The following PLA2G4A variants were observed in gnomAD, a reference collection of about 807,000 sequenced individuals.
The protein encoded by PLA2G4A is cytosolic phospholipase A2.
Under a neutral mutation model 81.9 loss-of-function variants are expected in PLA2G4A, and 40 were observed. The ratio of observed to expected loss-of-function variants is 0.49; its 90% CI spans 0.38 to 0.64. The LOEUF (loss-of-function observed/expected upper bound fraction) is 0.64. Among genes scored for constraint, PLA2G4A ranks in the 30% least tolerant of loss-of-function variants. PLA2G4A has a pLI of 0.00. For missense variants in PLA2G4A, 715 were observed against 905.1 expected, an observed-to-expected ratio of 0.79 and a Z score of 2.69; for synonymous variants, 302 against 296.9, an observed-to-expected ratio of 1.02 and a Z score of -0.18.
At chr1:186,988,139 C>A (rs962248729) in intron 17 of PLA2G4A, among the ~76,000 whole-genome samples, 1 of 152,282 alleles carries the variant, frequency 6.6e-6, no homozygotes, top group Non-Finnish European at 1.5e-5. Context: ...AAATCTAGAA[C>A]ATTTCCAGAA....
chr1:186,874,300 C>T (rs540151343), intron 3 of PLA2G4A, among the ~76,000 whole-genome samples: 14 of 152,178 alleles, frequency 9.2e-5, no homozygotes, highest in Admixed American at 6.6e-4. Context: ...ACAACTCTGG[C>T]CACAAACTTC....
At chr1:186,886,130 G>A (rs939527102) in intron 3 of PLA2G4A, among the ~76,000 whole-genome samples, 5 of 152,046 alleles carry the variant, frequency 3.3e-5, no homozygotes, top group South Asian at 2.1e-4. Context: ...TGAAGATATT[G>A]AACAAAGTTC....
At chr1:186,896,679 T>C (rs1224864048) in intron 5 of PLA2G4A, among the ~76,000 whole-genome samples, 1 of 152,224 alleles carries the variant, frequency 6.6e-6, no homozygotes, top group African/African-American at 2.4e-5. Flanking sequence ...GTGTAATCCC[T>C]AGGGCTCTAA....
intron 13 of PLA2G4A, 76 bp from the exon 14 acceptor site, chr1:186,956,026 C>G: frequency 7.5e-7 from 1 of 1,338,126 alleles, no homozygotes; most frequent in Admixed American, 1.7e-5. Flanking sequence ...AGGCGTGAGC[C>G]ACCGTGCCCA....
intron 15 of PLA2G4A, among the ~76,000 whole-genome samples, chr1:186,968,671 A>T (rs527990316): frequency 6.6e-6 from 1 of 151,888 alleles, no homozygotes; most frequent in Admixed American, 6.6e-5. Context: ...GATTATTGCT[A>T]TCTTGCCACC....
intron 7 of PLA2G4A, among the ~76,000 whole-genome samples, chr1:186,925,899 C>T (rs1655531105): frequency 6.6e-6 from 1 of 152,212 alleles, no homozygotes; most frequent in African/African-American, 2.4e-5. Context: ...ATATTTCAAC[C>T]ACCTAGCATA....
chr1:186,902,509 A>G (rs187592938), intron 5 of PLA2G4A, among the ~76,000 whole-genome samples: 1 of 152,044 alleles, frequency 6.6e-6, no homozygotes, highest in Non-Finnish European at 1.5e-5. Flanking sequence ...CCACCCCCCA[A>G]AATTTTTGCT....
chr1:186,954,911 A>C (rs1656694067), intron 13 of PLA2G4A, among the ~76,000 whole-genome samples: 2 of 152,224 alleles, frequency 1.3e-5, no homozygotes, highest in African/African-American at 2.4e-5. Flanking sequence ...GTGTTTATTA[A>C]GAATTTAATA....
At chr1:186,938,590 A>G (rs1656036253) in intron 8 of PLA2G4A, among the ~76,000 whole-genome samples, 3 of 152,148 alleles carry the variant, frequency 2.0e-5, no homozygotes, top group Admixed American at 1.3e-4. Context: ...CTACCTGTAG[A>G]TAATCATCCT....
intron 1 of PLA2G4A, among the ~76,000 whole-genome samples, chr1:186,830,214 G>A (rs949759684): frequency 3.9e-5 from 6 of 152,208 alleles, no homozygotes; most frequent in Non-Finnish European, 8.8e-5. Flanking sequence ...ATAGAGAAGT[G>A]TTTAATGTGC....
Position 186,854,386 on chromosome 1 carries a change from T to C in PLA2G4A, c.32T>C (p.Ile11Thr). The change falls in exon 2 of 18, where the codon ATA (isoleucine) becomes ACA (threonine). Residue 11 changes from isoleucine (I) to threonine (T), a missense_variant and splice_region_variant. Coordinates refer to ENST00000367466, the MANE Select transcript of PLA2G4A (RefSeq NM_024420.3). Reference sequence around the variant, plus strand: ...TTTATAGATCCTTACCAGCACATTATAGTAAGTCATTCACTGTTTATGAAT... The same window carrying C: ...TTTATAGATCCTTACCAGCACATTACAGTAAGTCATTCACTGTTTATGAAT... MSFIDPYQHI[I>T]VEHQYSHKFT... is the part of the protein sequence containing the mutation. The C allele has an allele frequency of 6.4e-7, 1 of 1,557,316 alleles. No individual in the cohort carries two copies. The highest frequency in any genetic ancestry group is 8.9e-7 in the Non-Finnish European group (1 of 1,128,750).
chr1:186,906,840 A>AT, intron 5 of PLA2G4A, 125 bp from the exon 6 acceptor site: 1 of 619,712 alleles, frequency 1.6e-6, no homozygotes, highest in Non-Finnish European at 2.9e-6. Flanking sequence ...TGTTACTTTT[A>AT]TTTTTAGGGT....
chr1:186,933,412 A>G (rs1655824197), intron 8 of PLA2G4A, among the ~76,000 whole-genome samples: 1 of 152,194 alleles, frequency 6.6e-6, no homozygotes. Context: ...CATCTAACTA[A>G]ATATGAAATT....
intron 7 of PLA2G4A, among the ~76,000 whole-genome samples, chr1:186,930,900 T>G (rs1015245621): frequency 6.6e-6 from 1 of 152,212 alleles, no homozygotes; most frequent in African/African-American, 2.4e-5. Context: ...GGCCCAGAAC[T>G]GAGCACATAG....
intron 3 of PLA2G4A, among the ~76,000 whole-genome samples, chr1:186,890,473 A>C (rs909662178): frequency 5.3e-5 from 8 of 152,228 alleles, no homozygotes; most frequent in Admixed American, 1.3e-4. Context: ...GGAAATTAAA[A>C]TAATTTCTTT....
At chr1:186,876,451 C>T (rs1653505427) in intron 3 of PLA2G4A, among the ~76,000 whole-genome samples, 1 of 151,990 alleles carries the variant, frequency 6.6e-6, no homozygotes, top group African/African-American at 2.4e-5. Context: ...TGATTGTGAG[C>T]CCTATTCCCT....
At chr1:186,972,096 A>G (rs1657376116) in intron 15 of PLA2G4A, among the ~76,000 whole-genome samples, 1 of 152,144 alleles carries the variant, frequency 6.6e-6, no homozygotes. Flanking sequence ...AAAAGCAACC[A>G]CAATTTATGT....
intron 14 of PLA2G4A, among the ~76,000 whole-genome samples, chr1:186,963,184 T>C (rs1657020771): frequency 1.3e-5 from 2 of 152,246 alleles, no homozygotes; most frequent in South Asian, 4.1e-4. Flanking sequence ...TAATGAATTA[T>C]AACTTTTTAG....
chr1:186,931,360 A>G (rs1045596364), intron 7 of PLA2G4A, among the ~76,000 whole-genome samples: 1 of 152,072 alleles, frequency 6.6e-6, no homozygotes, highest in African/African-American at 2.4e-5. Flanking sequence ...GTTTGCATGT[A>G]GTTTGATGCC....
Sources: allele counts gnomAD v4.1 joint callset (sites outside exome capture counted in the v4.1 genomes callset), GRCh38; gene constraint gnomAD v4.1.1; transcripts MANE v1.5; gene names NCBI Gene and HGNC (gene_info 2026-07-23, HGNC 2026-07-21).